The following DGKH variants were observed in gnomAD, a reference collection of about 807,000 sequenced individuals.
The protein encoded by DGKH is DAG kinase eta.
A neutral mutation model predicts 159.3 loss-of-function variants in DGKH; 90 were observed. That is an observed-to-expected ratio of 0.57 (90% confidence interval 0.48 to 0.67). The LOEUF is 0.67. Ranked by LOEUF, DGKH falls within the 30% of genes least tolerant of loss-of-function variation. The pLI is 0.00. For synonymous variants in DGKH, 536 were observed against 553.8 expected (o/e 0.97, Z 0.45); for missense variants, 1,181 against 1,506.1 (o/e 0.78, Z 3.57).
intron 1 of DGKH, among the ~76,000 whole-genome samples, chr13:42,086,285 G>A (rs1394231023): frequency 6.6e-6 from 1 of 152,106 alleles, no homozygotes; most frequent in Non-Finnish European, 1.5e-5. Flanking sequence ...CAACCTTGTT[G>A]CCTAAAGTGT....
At chr13:42,115,212 T>G (rs1258805440) in intron 1 of DGKH, among the ~76,000 whole-genome samples, 2 of 152,256 alleles carry the variant, frequency 1.3e-5, no homozygotes, top group African/African-American at 4.8e-5. Flanking sequence ...AATTGTCTTT[T>G]TCCACTGAAT....
At chr13:42,155,423 G>T in intron 4 of DGKH, 28 bp downstream of exon 4, 1 of 1,592,744 alleles carries the variant, frequency 6.3e-7, no homozygotes, top group East Asian at 2.2e-5. Context: ...CTTTCATCTC[G>T]TGTTCTTAGG....
intron 6 of DGKH, 118 bp from the exon 7 acceptor site, chr13:42,159,892 AT>A: frequency 7.0e-7 from 1 of 1,424,618 alleles, no homozygotes; most frequent in Non-Finnish European, 9.6e-7. Flanking sequence ...AAATGAGTGA[AT>A]GCTATGCATG....
In DGKH at chr13:42,129,630, AC is replaced by A; in HGVS notation, c.383del (p.Thr128ArgfsTer9). Reference sequence around the variant, plus strand: ...CACGAAAAATGCTAACAACAGCTTCACGGTATGGTTATATTCTGCTAACTCC... The same window carrying A: ...CACGAAAAATGCTAACAACAGCTTCAGGTATGGTTATATTCTGCTAACTCC... Reference protein sequence around the residue: ...ASTKNANNSFTIITPFRRLML... With the variant: ...ASTKNANNSFXIITPFRRLML... On this transcript the variant is annotated frameshift_variant and splice_region_variant, in exon 3 of 30. Transcript: ENST00000337343. LOFTEE classifies it high-confidence loss of function. 6.2e-7 allele frequency: 1 copy of A among 1,611,048 alleles called. No individual in the cohort carries two copies. Among genetic ancestry groups the A allele is most frequent in the Non-Finnish European group, 8.5e-7 (1 of 1,178,346 alleles).
chr13:42,101,520 C>G (rs1388543663), intron 1 of DGKH, among the ~76,000 whole-genome samples: 2 of 152,192 alleles, frequency 1.3e-5, no homozygotes, highest in African/African-American at 4.8e-5. Context: ...CGCTATCAGA[C>G]AGTGCAGACA....
intron 1 of DGKH, among the ~76,000 whole-genome samples, chr13:42,054,093 A>C (rs1038409852): frequency 6.6e-6 from 1 of 152,252 alleles, no homozygotes; most frequent in Non-Finnish European, 1.5e-5. Context: ...AATTTGTGCC[A>C]TTAAAACATT....
chr13:42,207,092 T>TTCTTG (rs1957511444), intron 21 of DGKH, among the ~76,000 whole-genome samples: 1 of 138,902 alleles, frequency 7.2e-6, no homozygotes, highest in African/African-American at 2.7e-5. Flanking sequence ...TTTCTTTCTT[T>TTCTTG]CTTTCTTTCT....
chr13:42,216,048 A>G (rs1023841645), intron 26 of DGKH, among the ~76,000 whole-genome samples: 1 of 152,240 alleles, frequency 6.6e-6, no homozygotes, highest in African/African-American at 2.4e-5. Flanking sequence ...TATGACTGGT[A>G]TGGTCCTCCA....
At chr13:42,248,897 A>G (rs1304198343) in intron 29 of DGKH, among the ~76,000 whole-genome samples, 1 of 152,040 alleles carries the variant, frequency 6.6e-6, no homozygotes, top group Non-Finnish European at 1.5e-5. Context: ...CACACAATGA[A>G]AAAAATCACC....
chr13:42,171,252 A>G (rs1956447162), intron 11 of DGKH, among the ~76,000 whole-genome samples: 1 of 152,198 alleles, frequency 6.6e-6, no homozygotes, highest in South Asian at 2.1e-4. Context: ...AGGCTTTCAC[A>G]TTATCTAAGT....
At chr13:42,148,424 A>G (rs946965899) in intron 3 of DGKH, among the ~76,000 whole-genome samples, 2 of 152,096 alleles carry the variant, frequency 1.3e-5, no homozygotes, top group Non-Finnish European at 2.9e-5. Context: ...CTAAAAATCT[A>G]TGGAATCCTT....
intron 3 of DGKH, among the ~76,000 whole-genome samples, chr13:42,149,303 C>T (rs1277524611): frequency 6.6e-6 from 1 of 152,134 alleles, no homozygotes; most frequent in Non-Finnish European, 1.5e-5. Context: ...GGTTAGTTTC[C>T]CCTTCACTGT....
rs770170245 is a variant in DGKH at position 42,219,780 on chromosome 13, C to T, written c.3428C>T (p.Thr1143Ile). 1.1e-5 allele frequency: 18 copies of T among 1,613,254 alleles called. No homozygotes were observed. In the East Asian group the frequency reaches 3.6e-4, roughly 32 times the overall value. Residue 1143 changes from threonine to isoleucine, a missense_variant, in exon 28 of 30, where the codon ACA becomes ATA. By Grantham distance (89) the Thr-to-Ile change is moderately conservative. Transcript: ENST00000337343. ...AAGGAAAAGGTTCAGAAGCAGAAGA[C>T]AAGTTCACAGCCTGGTAGGTGGTCC... ...FKKEKVQKQKTSSQPVQKWGT... is the reference protein window; with the variant it reads ...FKKEKVQKQKISSQPVQKWGT...
intron 7 of DGKH, among the ~76,000 whole-genome samples, chr13:42,160,494 A>T (rs548532962): frequency 6.6e-6 from 1 of 152,334 alleles, no homozygotes; most frequent in East Asian, 1.9e-4. Context: ...GACATGTGAC[A>T]TGTAAATTTG....
intron 3 of DGKH, among the ~76,000 whole-genome samples, chr13:42,138,372 G>A (rs934966763): frequency 6.6e-6 from 1 of 151,650 alleles, no homozygotes. Context: ...TGTGAGAGGG[G>A]GTGAGGAGAG....
Position 42,168,436 on chromosome 13 carries a change from T to C in DGKH, c.1119-4T>C. 6.2e-7 allele frequency: 1 copy of C among 1,611,672 alleles called. No individual in the cohort carries two copies. ...TACTAAAATAAAATCCTTTTTGCTT[T>C]CAGTTTAAGATTATTTCAGAAGTTT... On this transcript the variant is annotated splice_region_variant and splice_polypyrimidine_tract_variant and intron_variant, in intron 9 of 29. Transcript: ENST00000337343.
Position 42,159,258 on chromosome 13 carries a change from T to TTTTTTTTTTTTTTC in DGKH, c.623-3_623-2insTTTTTTTTCTTTTT. The TTTTTTTTTTTTTTC allele has an allele frequency of 9.2e-7, 1 of 1,086,214 alleles. No homozygotes were observed. 67.3% of individuals were successfully genotyped at this position (1,086,214 alleles called of 1,614,324 possible). ...AAGCAGTTGCTCTTTTTTTTTTTTT[T>TTTTTTTTTTTTTTC]TTTTTAGTGTGTAAATTCAAGGCTC... On this transcript the variant is annotated splice_polypyrimidine_tract_variant and splice_region_variant and intron_variant, in intron 5 of 29. Transcript: ENST00000337343.
upstream of DGKH, among the ~76,000 whole-genome samples, chr13:42,047,061 A>G (rs934204192): frequency 6.6e-6 from 1 of 152,256 alleles, no homozygotes; most frequent in South Asian, 2.1e-4. Flanking sequence ...ACATATTTGT[A>G]GAGTTCTAAG....
rs1159654623 is a variant in DGKH at position 42,070,856 on chromosome 13, C to T, written c.192+21891C>T. 4.6e-6 allele frequency: 6 copies of T among 1,306,590 alleles called. No homozygotes were observed. The African/African-American group carries it at 8.7e-5, about 19-fold the overall frequency. The allele number at this position is 1,306,590 out of a possible 1,614,324, so 80.9% of individuals were successfully genotyped here. On this transcript the variant is annotated intron_variant, in intron 1 of 29. Transcript: ENST00000337343. ...CCACTGGGACCAGGAATTTCAAACA[C>T]TTTCACAATGTTATCATGGTCAAGT...
Sources: allele counts gnomAD v4.1 joint callset (sites outside exome capture counted in the v4.1 genomes callset), GRCh38; gene constraint gnomAD v4.1.1; transcripts MANE v1.5; gene names NCBI Gene and HGNC (gene_info 2026-07-23, HGNC 2026-07-21).